KCNH5: variants seen among roughly 807,000 people sequenced by gnomAD.
KCNH5 encodes the protein potassium voltage-gated channel subfamily H member 5.
In KCNH5, 46 loss-of-function variants were observed where a neutral mutation model predicts 96.1. The ratio of observed to expected loss-of-function variants is 0.48; its 90% CI spans 0.38 to 0.61. KCNH5 has a LOEUF of 0.61. Ranked by LOEUF, KCNH5 falls within the 20% of genes least tolerant of loss-of-function variation. KCNH5 has a pLI of 0.00. For synonymous variants in KCNH5, 439 were observed against 449.8 expected (o/e 0.98, Z 0.30); for missense variants, 907 against 1,225.8 (o/e 0.74, Z 3.88).
intron 6 of KCNH5, among the ~76,000 whole-genome samples, chr14:62,955,081 T>C (rs1380294475): frequency 2.1e-5 from 3 of 145,490 alleles, no homozygotes; most frequent in Admixed American, 6.9e-5. Context: ...ATCAGAGAAC[T>C]GCCAAAAAAA....
intron 10 of KCNH5, among the ~76,000 whole-genome samples, chr14:62,731,899 T>TA (rs1180328914): frequency 6.6e-6 from 1 of 152,174 alleles, no homozygotes; most frequent in Non-Finnish European, 1.5e-5. Flanking sequence ...CTTCTTGAGT[T>TA]ACACATTCAG....
At chr14:62,977,959 G>A (rs1890532904) in intron 6 of KCNH5, among the ~76,000 whole-genome samples, 1 of 152,180 alleles carries the variant, frequency 6.6e-6, no homozygotes, top group African/African-American at 2.4e-5. Context: ...GATAGTCCCA[G>A]AGCAAAAGTT....
At chr14:62,748,607 A>G (rs929135771) in intron 10 of KCNH5, among the ~76,000 whole-genome samples, 3 of 152,032 alleles carry the variant, frequency 2.0e-5, no homozygotes, top group Non-Finnish European at 4.4e-5. Flanking sequence ...TTGCAGAGGG[A>G]TGAAGATCCG....
chr14:62,847,532 A>G (rs1887724411), intron 8 of KCNH5, among the ~76,000 whole-genome samples: 2 of 152,138 alleles, frequency 1.3e-5, no homozygotes, highest in Admixed American at 1.3e-4. Context: ...GGAAACTTTT[A>G]TATTTGTCAC....
At chr14:62,983,382 A>C (rs2139571170) in intron 5 of KCNH5, among the ~76,000 whole-genome samples, 1 of 152,104 alleles carries the variant, frequency 6.6e-6, no homozygotes, top group East Asian at 1.9e-4. Flanking sequence ...AGTCTCAAAA[A>C]AAAAAAAAAG....
intron 7 of KCNH5, among the ~76,000 whole-genome samples, chr14:62,872,927 G>A (rs1329616417): frequency 6.6e-6 from 1 of 152,242 alleles, no homozygotes; most frequent in South Asian, 2.1e-4. Flanking sequence ...AAGGCTGGTG[G>A]ATCACGAGGT....
rs113288022 is a variant in KCNH5, at chr14:62,996,461, A to G, written c.433+4870T>C. Among the ~76,000 whole-genome samples, 810 of 152,248 alleles carry G rather than the reference A, an allele frequency of 5.3e-3. 8 individuals carry two copies. The highest frequency in any genetic ancestry group is 0.019 in the African/African-American group (775 of 41,558). The stretch of plus-strand genomic sequence containing the variant: ...CAATGGGGTCTGATTTTCCCTATAA[A>G]TTCTAATTTACATGTCTATCAAACT... On this transcript the variant is annotated intron_variant, in intron 4 of 10. Coordinates refer to ENST00000322893, the MANE Select transcript of KCNH5 (RefSeq NM_139318.5).
chr14:62,854,004 CA>C (rs548263620), intron 7 of KCNH5, among the ~76,000 whole-genome samples: 99 of 84,192 alleles, frequency 1.2e-3, no homozygotes, highest in Non-Finnish European at 1.4e-3. Context: ...GAGACTCTGT[CA>C]AAAAAAAAAA....
chr14:63,036,503 A>C (rs1207918967), intron 1 of KCNH5, among the ~76,000 whole-genome samples: 1 of 81,354 alleles, frequency 1.2e-5, no homozygotes, highest in East Asian at 6.1e-4. Flanking sequence ...CGGGAGATAC[A>C]AAAAAAAAAA....
chr14:62,826,328 C>T (rs946151923), intron 8 of KCNH5, among the ~76,000 whole-genome samples: 2 of 151,088 alleles, frequency 1.3e-5, no homozygotes, highest in East Asian at 3.9e-4. Flanking sequence ...ATTTCATTTG[C>T]CTGGTATACC....
intron 7 of KCNH5, among the ~76,000 whole-genome samples, chr14:62,870,923 A>G (rs928410734): frequency 4.6e-5 from 7 of 152,244 alleles, no homozygotes; most frequent in Admixed American, 6.5e-5. Flanking sequence ...AGGTATTCTG[A>G]CCCCAAATCC....
Position 62,699,955 on chromosome 14 carries a change from C to T in KCNH5, c.*7553G>A, listed in dbSNP as rs1338944436. ...TTTTGCATTGTTTCCTTTGTCAATG[C>T]ATGAATCAATTATTTCTGGTGAATT... On this transcript the variant is annotated 3_prime_UTR_variant, in exon 11 of 11. Transcript: ENST00000322893. The T allele has an allele frequency of 1.3e-5, 2 of 152,146 alleles. No homozygotes were observed. 9.4% of individuals were successfully genotyped at this position (152,146 alleles called of 1,614,324 possible). A position where few individuals can be genotyped will look rare whatever the true frequency, so the allele number is the denominator to read the frequency against.
intron 10 of KCNH5, among the ~76,000 whole-genome samples, chr14:62,752,181 G>A (rs527240006): frequency 6.6e-6 from 1 of 152,168 alleles, no homozygotes; most frequent in African/African-American, 2.4e-5. Context: ...TGTATATTAT[G>A]GTTTGGGTTG....
At chr14:62,763,363 T>C (rs1388644987) in intron 10 of KCNH5, among the ~76,000 whole-genome samples, 1 of 151,284 alleles carries the variant, frequency 6.6e-6, no homozygotes, top group Non-Finnish European at 1.5e-5. Flanking sequence ...AAAGAGACAA[T>C]ATACCCGAAT....
intron 9 of KCNH5, among the ~76,000 whole-genome samples, chr14:62,792,705 T>A (rs189334859): frequency 6.6e-6 from 1 of 151,748 alleles, no homozygotes; most frequent in African/African-American, 2.4e-5. Context: ...TGAGAAATAA[T>A]GGCTGTCTTT....
chr14:62,765,836 A>T (rs1024941759), intron 10 of KCNH5, among the ~76,000 whole-genome samples: 7 of 152,118 alleles, frequency 4.6e-5, no homozygotes, highest in African/African-American at 1.7e-4. Context: ...GCAAAAATGA[A>T]CAAACGGGAT....
rs543049259 is a variant in KCNH5 at position 62,934,200 on chromosome 14, C to T, written c.1369+15933G>A. Among the ~76,000 whole-genome samples the T allele has an allele frequency of 4.0e-5, 6 of 150,850 alleles. No individual in the cohort carries two copies. The East Asian group carries it at 1.2e-3, about 29-fold the overall frequency. On this transcript the variant is annotated intron_variant, in intron 7 of 10. Coordinates refer to ENST00000322893, the MANE Select transcript of KCNH5 (RefSeq NM_139318.5). ...AGGCTGGAGTGCAGTGGCATGATCT[C>T]ACTGCAACCTCCGCCTCCCGGGTTC...
At chr14:62,823,720 G>A (rs894024128) in intron 8 of KCNH5, among the ~76,000 whole-genome samples, 1 of 152,042 alleles carries the variant, frequency 6.6e-6, no homozygotes, top group Non-Finnish European at 1.5e-5. Flanking sequence ...TAATTCTGCT[G>A]AATGGTTTTG....
chr14:62,892,625 A>G (rs576954749), intron 7 of KCNH5, among the ~76,000 whole-genome samples: 1 of 152,336 alleles, frequency 6.6e-6, no homozygotes, highest in South Asian at 2.1e-4. Flanking sequence ...CAGAGAAGTC[A>G]TGTCTGGCTT....
Sources: allele counts gnomAD v4.1 joint callset (sites outside exome capture counted in the v4.1 genomes callset), GRCh38; gene constraint gnomAD v4.1.1; transcripts MANE v1.5; gene names NCBI Gene and HGNC (gene_info 2026-07-23, HGNC 2026-07-21).